The following PRKAG2 variants were observed in gnomAD, a reference collection of about 807,000 sequenced individuals.
The protein encoded by PRKAG2 is 5'-AMP-activated protein kinase subunit gamma-2.
A neutral mutation model predicts 69.6 loss-of-function variants in PRKAG2; 26 were observed. That is an observed-to-expected ratio of 0.37 (90% CI 0.27 to 0.52). The LOEUF is 0.52. Ranked by LOEUF, PRKAG2 falls within the 20% of genes least tolerant of loss-of-function variation. The pLI is 0.90. For synonymous variants in PRKAG2, 293 were observed against 285.0 expected, an observed-to-expected ratio of 1.03 and a Z score of -0.28; for missense variants, 557 against 740.0, an observed-to-expected ratio of 0.75 and a Z score of 2.87.
At chr7:151,594,875 T>C (rs1585111100) in intron 6 of PRKAG2, among the ~76,000 whole-genome samples, 1 of 152,272 alleles carries the variant, frequency 6.6e-6, no homozygotes, top group South Asian at 2.1e-4. Flanking sequence ...CTCGGCTCAC[T>C]GCAACCTCTG....
At chr7:151,634,954 T>C (rs1368994176) in intron 4 of PRKAG2, among the ~76,000 whole-genome samples, 1 of 144,686 alleles carries the variant, frequency 6.9e-6, no homozygotes, top group Middle Eastern at 3.5e-3. Context: ...TTTTTTTTTT[T>C]TTCTTTTTTT....
rs1395301600 is a variant in PRKAG2, at chr7:151,574,982, C to A, written c.947-33G>T. On this transcript the variant is annotated intron_variant, in intron 7 of 15. Transcript: ENST00000287878. ...AAAGAATTACATGTTACAAATAAAA[C>A]CATGAAAACATTTTTAAAAATTTCA... 3 of 1,609,820 alleles carry A rather than the reference C, an allele frequency of 1.9e-6. No individual in the cohort carries two copies. In the African/African-American group the frequency reaches 4.0e-5, roughly 22 times the overall value.
intron 4 of PRKAG2, among the ~76,000 whole-genome samples, chr7:151,664,798 C>G (rs1830797247): frequency 1.3e-5 from 2 of 152,310 alleles, no homozygotes; most frequent in Non-Finnish European, 1.5e-5. Flanking sequence ...CTCTACAACA[C>G]CAATATTTGA....
At position 151,556,887 on chromosome 7, in the gene PRKAG2, A is replaced by G. The variant is rs912921308; in HGVS notation, c.*314T>C. ...ATACCGTGCACTCACCTTATGCCAC[A>G]TCACCTGTTCCATACCAGTGAATTC... On this transcript the variant is annotated 3_prime_UTR_variant, in exon 16 of 16. Transcript: ENST00000287878. 2.4e-6 allele frequency: 1 copy of G among 410,338 alleles called. No homozygotes were observed. The highest frequency in any genetic ancestry group is 4.6e-6 in the Non-Finnish European group (1 of 218,750). 25.4% of individuals were successfully genotyped at this position (410,338 alleles called of 1,614,324 possible).
At chr7:151,566,397 GA>G (rs1806270123) in intron 11 of PRKAG2, among the ~76,000 whole-genome samples, 1 of 152,092 alleles carries the variant, frequency 6.6e-6, no homozygotes, top group Admixed American at 6.6e-5. Context: ...ATTCTCCTTG[GA>G]GAGCTCCAAT....
At chr7:151,729,162 C>T (rs546409163) in intron 3 of PRKAG2, among the ~76,000 whole-genome samples, 230 of 80,280 alleles carry the variant, frequency 2.9e-3, no homozygotes, top group African/African-American at 0.011. Flanking sequence ...GAGAGTGGGG[C>T]GGACAGGGGG....
In PRKAG2 at chr7:151,779,658, A is replaced by G. The variant is rs147992269; in HGVS notation, c.466+1494T>C. On this transcript the variant is annotated intron_variant, in intron 3 of 15. Transcript: ENST00000287878. ...GAGACAATCTCGTCCTTTCTTCTGA[A>G]GCCTGCTTGCCTCTGACTAGGAGCC... is the stretch of plus-strand genomic sequence containing the variant. 4.5e-3 allele frequency among the ~76,000 whole-genome samples: 680 copies of G among 152,330 alleles called. 3 individuals are homozygous for G. Among genetic ancestry groups the G allele is most frequent in the Non-Finnish European group, 6.5e-3 (443 of 68,028 alleles).
rs1193475203 is a variant in PRKAG2, at chr7:151,781,402, G to A, written c.216C>T (p.Pro72=). The A allele has an allele frequency of 6.2e-7, 1 of 1,610,746 alleles. No homozygotes were observed. The highest frequency in any genetic ancestry group is 8.5e-7 in the Non-Finnish European group (1 of 1,178,792). The change falls in exon 3 of 16, where the codon CCC becomes CCT. Residue 72 remains proline (P), a synonymous_variant. Transcript: ENST00000287878. This position sits in a 1 kb window ranked among gnomAD's most constrained non-coding sequence, Gnocchi z 6.1. ...KVDSPFGPGS[P]SKGFFSRGPQ... is the part of the protein sequence containing the mutation. ...GGCCTCTGGAGAAGAACCCTTTGGA[G>A]GGGCTGCCCGGGCCGAAGGGGCTGT... is the stretch of plus-strand genomic sequence containing the variant.
intron 3 of PRKAG2, among the ~76,000 whole-genome samples, chr7:151,682,786 A>AG (rs1402071441): frequency 4.6e-5 from 5 of 108,034 alleles, no homozygotes; most frequent in African/African-American, 1.8e-4. Flanking sequence ...CCAGGAAAGC[A>AG]GGGGGGAGCT....
At chr7:151,747,993 C>T (rs930499348) in intron 3 of PRKAG2, among the ~76,000 whole-genome samples, 11 of 149,822 alleles carry the variant, frequency 7.3e-5, no homozygotes, top group Middle Eastern at 3.4e-3. Flanking sequence ...ACAATCTCAG[C>T]TCACTGTAAC....
chr7:151,701,842 C>CAAAAAAAAAAAAA lies in PRKAG2; in HGVS notation c.467-26218_467-26206dup, dbSNP rs71533538. Among the ~76,000 whole-genome samples, 47 of 92,464 alleles carry CAAAAAAAAAAAAA rather than the reference C, an allele frequency of 5.1e-4. 1 individual carries two copies. The highest frequency in any genetic ancestry group is 1.8e-3 in the African/African-American group (44 of 24,650). 60.7% of individuals were successfully genotyped at this position (92,464 alleles called of 152,430 possible). On this transcript the variant is annotated intron_variant, in intron 3 of 15. Coordinates refer to ENST00000287878, the MANE Select transcript of PRKAG2 (RefSeq NM_016203.4). The stretch of plus-strand genomic sequence containing the variant: ...TGGGCGACAGAGCGAGACTCTGTCT[C>CAAAAAAAAAAAAA]AAAAAAAAAAAAAAAAGAATAAGGA...
intron 1 of PRKAG2, among the ~76,000 whole-genome samples, chr7:151,851,809 C>T (rs914227099): frequency 2.0e-5 from 3 of 152,144 alleles, no homozygotes; most frequent in Admixed American, 6.5e-5. Flanking sequence ...TCTGTATCAT[C>T]ATCGTCTATG....
chr7:151,862,482 G>A (rs1194814791), intron 1 of PRKAG2, among the ~76,000 whole-genome samples: 2 of 152,092 alleles, frequency 1.3e-5, no homozygotes, highest in Non-Finnish European at 2.9e-5. Context: ...TCTCAAAGAC[G>A]GCCCCCATTT....
intron 1 of PRKAG2, among the ~76,000 whole-genome samples, chr7:151,822,456 G>A (rs757924968): frequency 3.3e-5 from 5 of 152,318 alleles, no homozygotes; most frequent in Middle Eastern, 6.8e-3. Flanking sequence ...AGGCAGATGC[G>A]GCCCTGAAGA....
chr7:151,718,646 A>G (rs1796563113), intron 3 of PRKAG2, among the ~76,000 whole-genome samples: 1 of 133,296 alleles, frequency 7.5e-6, no homozygotes, highest in Non-Finnish European at 1.6e-5. Flanking sequence ...AACAAAACAA[A>G]CAAAAAAACC....
intron 3 of PRKAG2, among the ~76,000 whole-genome samples, chr7:151,709,602 TACTG>T (rs1839218693): frequency 6.6e-6 from 1 of 152,196 alleles, no homozygotes; most frequent in Non-Finnish European, 1.5e-5. Context: ...TGACATGTGA[TACTG>T]AATGACGAGT....
chr7:151,747,752 A>C (rs2074383511), intron 3 of PRKAG2, among the ~76,000 whole-genome samples: 1 of 152,146 alleles, frequency 6.6e-6, no homozygotes, highest in South Asian at 2.1e-4. Context: ...AACAAAAGTC[A>C]TTCTACCACT....
intron 1 of PRKAG2, among the ~76,000 whole-genome samples, chr7:151,847,474 C>G (rs979971122): frequency 1.3e-5 from 2 of 152,128 alleles, no homozygotes; most frequent in African/African-American, 4.8e-5. Flanking sequence ...GTCCCCGAGC[C>G]TCTCTCTCTA....
intron 3 of PRKAG2, among the ~76,000 whole-genome samples, chr7:151,717,508 G>A (rs956816547): frequency 6.6e-6 from 1 of 152,168 alleles, no homozygotes; most frequent in Admixed American, 6.5e-5. Context: ...GAAGGGTGGT[G>A]TCCCAAGGAA....
Sources: allele counts gnomAD v4.1 joint callset (sites outside exome capture counted in the v4.1 genomes callset), GRCh38; gene constraint gnomAD v4.1.1; non-coding constraint Gnocchi (gnomAD v3.1); transcripts MANE v1.5; gene names NCBI Gene and HGNC (gene_info 2026-07-23, HGNC 2026-07-21).